The following MUC5B variants were observed in gnomAD, a reference collection of about 807,000 sequenced individuals.
MUC5B encodes the protein mucin 5B, oligomeric mucus/gel-forming.
MUC5B carries 116 observed loss-of-function variants against 376.9 expected under a neutral mutation model. The observed-to-expected ratio is 0.31, with a 90% CI of 0.26 to 0.36. MUC5B has a LOEUF of 0.36. MUC5B is among the 10% of genes least tolerant of loss of function. The pLI is 1.00. For missense variants in MUC5B, 7,165 were observed against 7,769.9 expected (o/e 0.92, Z 2.93); for synonymous variants, 3,517 against 3,390.9 (o/e 1.04, Z -1.29).
In MUC5B at chr11:1,234,131, C is replaced by T. The variant is rs1451929956; in HGVS notation, c.2378-74C>T. On this transcript the variant is annotated intron_variant, in intron 19 of 48. Coordinates refer to ENST00000529681, the MANE Select transcript of MUC5B (RefSeq NM_002458.3). This position sits in a 1 kb window ranked among gnomAD's most constrained non-coding sequence, Gnocchi z 6.3. ...GTTAACTTGATCAGCAGGACAGGCT[C>T]AGGGCTGCCTGGGGTCAGTTGAGGG... is the stretch of plus-strand genomic sequence containing the variant. 2.1e-5 allele frequency: 27 copies of T among 1,263,056 alleles called. No homozygotes were observed. Among genetic ancestry groups the T allele is most frequent in the Non-Finnish European group, 2.6e-5 (23 of 889,256 alleles). The allele number at this position is 1,263,056 out of a possible 1,614,324, so 78.2% of individuals were successfully genotyped here.
At position 1,223,087 on chromosome 11, in the gene MUC5B, GCCCGTC is replaced by G. The variant is rs1861792312; in HGVS notation, c.-27_-22del. The G allele has an allele frequency of 1.3e-5, 9 of 693,306 alleles. No homozygotes were observed. Among genetic ancestry groups the G allele is most frequent in the East Asian group, 2.7e-5 (1 of 36,980 alleles). The allele number at this position is 693,306 out of a possible 1,614,324, so 42.9% of individuals were successfully genotyped here. On this transcript the variant is annotated 5_prime_UTR_variant, in exon 1 of 49. Coordinates refer to ENST00000529681, the MANE Select transcript of MUC5B (RefSeq NM_002458.3). ...AAGCACCCGGCCCGGCTCCCTCCCT[GCCCGTC>G]CCCGTCCCCCCACCCGTGCCAGCCC...
intron 23 of MUC5B, 143 bp from the exon 24 acceptor site, chr11:1,236,243 G>A (rs930130776): frequency 2.1e-5 from 15 of 715,536 alleles, no homozygotes; most frequent in African/African-American, 3.6e-5. Flanking sequence ...AGGGTCTCAC[G>A]GACCCAGCTC....
In MUC5B at chr11:1,248,817, C is replaced by T. The variant is rs550767524; in HGVS notation, c.11937C>T (p.Thr3979=). The change falls in exon 31 of 49, where the codon ACC becomes ACT. Residue 3979 remains threonine (T), a synonymous_variant. Coordinates refer to ENST00000529681, the MANE Select transcript of MUC5B (RefSeq NM_002458.3). The part of the protein sequence containing the change: ...TTPIPPVLTT[T]ATTPAATSST... The stretch of plus-strand genomic sequence containing the variant: ...CTATCCCCCCAGTGCTGACCACCAC[C>T]GCCACCACACCTGCAGCCACCAGCA... 5.2e-5 allele frequency: 80 copies of T among 1,547,918 alleles called. No individual in the cohort carries two copies. Among genetic ancestry groups the T allele is most frequent in the Admixed American group, 1.6e-4 (8 of 50,792 alleles).
At chr11:1,240,411 G>C in intron 30 of MUC5B, 36 bp downstream of exon 30, 2 of 1,531,888 alleles carry the variant, frequency 1.3e-6, no homozygotes, top group Non-Finnish European at 1.8e-6. Context: ...GCCCAGTACC[G>C]TCTGGGTGAC....
At position 1,257,196 on chromosome 11, in the gene MUC5B, G is replaced by T. The variant is rs773581224; in HGVS notation, c.16238-44G>T. On this transcript the variant is annotated intron_variant, in intron 39 of 48. Transcript: ENST00000529681. This position sits in a 1 kb window ranked among gnomAD's most constrained non-coding sequence, Gnocchi z 8.9. ...CCCATGGCCAGAGGCCCCTCCGCCT[G>T]CAAACTCAGCACCCTCCGTGATGCC... is the stretch of plus-strand genomic sequence containing the variant. 2 of 779,492 alleles carry T rather than the reference G, an allele frequency of 2.6e-6. No homozygotes were observed. Among genetic ancestry groups the T allele is most frequent in the East Asian group, 2.4e-5 (1 of 41,240 alleles). The allele number at this position is 779,492 out of a possible 1,614,324, so 48.3% of individuals were successfully genotyped here.
intron 26 of MUC5B, 58 bp from the exon 27 acceptor site, chr11:1,239,380 G>T: frequency 6.4e-7 from 1 of 1,557,096 alleles, no homozygotes; most frequent in South Asian, 1.2e-5. Context: ...GGGCTGCCCT[G>T]CACAACAGGG....
intron 1 of MUC5B, among the ~76,000 whole-genome samples, chr11:1,224,936 G>C (rs1861847841): frequency 6.6e-6 from 1 of 152,194 alleles, no homozygotes. Context: ...GTCCTGTGAA[G>C]GGGGCGCCCC....
Position 1,251,646 on chromosome 11 carries a change from C to T in MUC5B, c.14766C>T (p.Ser4922=), listed in dbSNP as rs1862704212. The part of the protein sequence containing the change: ...SLPTFSVSTV[S]SSVLTTLRPT... ...CAACCTTCAGCGTGTCCACTGTGTC[C>T]TCCTCAGTCCTCACCACCCTGAGAC... Residue 4922 remains serine (S), a synonymous_variant, in exon 31 of 49, where the codon TCC becomes TCT. Transcript: ENST00000529681. 1 of 1,613,116 alleles carries T rather than the reference C, an allele frequency of 6.2e-7. No homozygotes were observed.
At chr11:1,225,580 C>A in intron 1 of MUC5B, 101 bp from the exon 2 acceptor site, 1 of 1,078,012 alleles carries the variant, frequency 9.3e-7, no homozygotes, top group Non-Finnish European at 1.4e-6. Context: ...AAGGACCCCA[C>A]ATGCGGCTGC....
Position 1,247,711 on chromosome 11 carries a change from C to A in MUC5B, c.10831C>A (p.Gln3611Lys), listed in dbSNP as rs1479787632. The A allele has an allele frequency of 5.0e-6, 8 of 1,595,448 alleles. No individual in the cohort carries two copies. The highest frequency in any genetic ancestry group is 6.8e-6 in the Non-Finnish European group (8 of 1,169,270). ...TGCGGCCGGAGGGGCAGTCTGTGAG[C>A]AGCCCCTGGGCCTCGAGTGCCGTGC... ...IRAAGGAVCE[Q>K]PLGLECRAQA... Residue 3611 changes from glutamine (Q) to lysine (K), a missense_variant, in exon 31 of 49, where the codon CAG (glutamine) becomes AAG (lysine). Gln to Lys is a moderately conservative substitution (Grantham distance 53). Transcript: ENST00000529681.
In MUC5B at chr11:1,246,581, C is replaced by T. The variant is rs1444578236; in HGVS notation, c.9701C>T (p.Ala3234Val). ...AGAAGCACAGCCACCACACCCACAG[C>T]TACCAGCGTTACAGCCATCCCCTCT... ...ALRSTATTPT[A>V]TSVTAIPSSS... The change falls in exon 31 of 49, where the codon GCT (alanine) becomes GTT (valine). Residue 3234 changes from alanine (A) to valine (V), a missense_variant. By Grantham distance (64) the Ala-to-Val change is moderately conservative. Coordinates refer to ENST00000529681, the MANE Select transcript of MUC5B (RefSeq NM_002458.3). The T allele has an allele frequency of 1.9e-6, 3 of 1,613,446 alleles. No individual in the cohort carries two copies. The Admixed American group carries it at 5.0e-5, about 27-fold the overall frequency.
Position 1,261,630 on chromosome 11 carries a change from A to C in MUC5B, c.*22A>C. 6.3e-7 allele frequency: 1 copy of C among 1,577,540 alleles called. No homozygotes were observed. Among genetic ancestry groups the C allele is most frequent in the Non-Finnish European group, 8.6e-7 (1 of 1,159,804 alleles). On this transcript the variant is annotated 3_prime_UTR_variant, in exon 49 of 49. Coordinates refer to ENST00000529681, the MANE Select transcript of MUC5B (RefSeq NM_002458.3). ...CTGAGAACGTTCTGCCTCCATCCCC[A>C]TGCTCTGTCCACCTGGAGCCAGGAT... is the stretch of plus-strand genomic sequence containing the variant.
chr11:1,230,273 C>G, intron 11 of MUC5B, 130 bp downstream of exon 11: 1 of 1,342,138 alleles, frequency 7.5e-7, no homozygotes, highest in Non-Finnish European at 1.0e-6. Flanking sequence ...AGCCCTGGGT[C>G]CCCATGATGG....
rs913492375 is a variant in MUC5B, at chr11:1,253,174, C to G, written c.15217+194C>G. On this transcript the variant is annotated intron_variant, in intron 33 of 48. Coordinates refer to ENST00000529681, the MANE Select transcript of MUC5B (RefSeq NM_002458.3). The surrounding 1 kb of genome is among the most constrained non-coding windows in gnomAD (Gnocchi z 4.3). ...GGTGTGGTGGTGGTGTTTGGGAGAT[C>G]GCTGGCATCCCTTCAGGAAACCATC... Among the ~76,000 whole-genome samples, 1 of 151,944 alleles carries G rather than the reference C, an allele frequency of 6.6e-6. No individual in the cohort carries two copies. Among genetic ancestry groups the G allele is most frequent in the Non-Finnish European group, 1.5e-5 (1 of 67,966 alleles).
chr11:1,239,785 C>T lies in MUC5B; in HGVS notation c.3584-14C>T. 1.9e-6 allele frequency: 3 copies of T among 1,605,214 alleles called. No individual in the cohort carries two copies. The highest frequency in any genetic ancestry group is 1.1e-5 in the South Asian group (1 of 89,566). Reference sequence around the variant, plus strand: ...GGGCCCTGGTGAGTCTTCTGCTCACCCTGCCGGCCCTAGGCTGCTACCCGA... The same window carrying T: ...GGGCCCTGGTGAGTCTTCTGCTCACTCTGCCGGCCCTAGGCTGCTACCCGA... On this transcript the variant is annotated splice_polypyrimidine_tract_variant and intron_variant, in intron 27 of 48. Coordinates refer to ENST00000529681, the MANE Select transcript of MUC5B (RefSeq NM_002458.3).
rs1377011081 is a variant in MUC5B, at chr11:1,251,177, C to A, written c.14297C>A (p.Ala4766Glu). 6.2e-7 allele frequency: 1 copy of A among 1,611,198 alleles called. No individual in the cohort carries two copies. The highest frequency in any genetic ancestry group is 2.2e-5 in the East Asian group (1 of 44,842). The change falls in exon 31 of 49, where the codon GCA becomes GAA. Residue 4766 changes from alanine to glutamate, a missense_variant. Around this residue, in one of 31 missense-constraint regions of MUC5B, gnomAD observed 730 missense variants for 592.7 expected, o/e 1.23. Coordinates refer to ENST00000529681, the MANE Select transcript of MUC5B (RefSeq NM_002458.3). ...STLWTTWTVP[A>E]QTTTPMSTMS... ...CTGTGGACCACGTGGACCGTCCCAG[C>A]ACAGACCACCACACCCATGTCCACC...
rs764642948 is a variant in MUC5B at position 1,244,140 on chromosome 11, C to G, written c.7260C>G (p.Thr2420=). 28 of 1,612,984 alleles carry G rather than the reference C, an allele frequency of 1.7e-5. No individual in the cohort carries two copies. Among genetic ancestry groups the G allele is most frequent in the Non-Finnish European group, 2.4e-5 (28 of 1,179,732 alleles). ...NYGHCPSTPA[T]SSTAMPSSTP... ...GCCACTGCCCCAGCACCCCGGCCAC[C>G]AGCTCTACGGCCATGCCCTCCTCCA... Residue 2420 remains threonine, a synonymous_variant, in exon 31 of 49, where the codon ACC becomes ACG. Transcript: ENST00000529681.
chr11:1,250,565 C>G lies in MUC5B; in HGVS notation c.13685C>G (p.Ser4562Cys). The change falls in exon 31 of 49, where the codon TCC becomes TGC. Residue 4562 changes from serine (S) to cysteine (C), a missense_variant. Transcript: ENST00000529681. ...PSSTPETVHT[S>C]TVLTATATTT... is the part of the protein sequence containing the mutation. ...TCCACTCCAGAGACTGTCCACACCT[C>G]CACAGTGCTTACCGCCACGGCCACC... The G allele has an allele frequency of 6.2e-7, 1 of 1,613,676 alleles. No individual in the cohort carries two copies. Among genetic ancestry groups the G allele is most frequent in the African/African-American group, 1.3e-5 (1 of 74,944 alleles).
chr11:1,231,680 G>A (rs879737111), intron 14 of MUC5B, 120 bp downstream of exon 14: 9 of 1,268,016 alleles, frequency 7.1e-6, no homozygotes, highest in South Asian at 1.5e-5. Flanking sequence ...GCTGCCCCCA[G>A]GGCATGGCGG....
Sources: gnomAD v4.1 joint callset for allele counts (sites outside exome capture counted in the v4.1 genomes callset) on GRCh38, gnomAD v4.1.1 for gene constraint, gnomAD v4.1.1 regional missense constraint, Gnocchi (gnomAD v3.1) non-coding constraint, MANE v1.5 for transcripts, NCBI Gene and HGNC (gene_info 2026-07-23, HGNC 2026-07-21) for gene names.